Variants in ADAMTSL1 observed in about 807,000 individuals in gnomAD.
The protein encoded by ADAMTSL1 is ADAMTS like 1.
A neutral mutation model predicts 201.8 loss-of-function variants in ADAMTSL1; 126 were observed. The ratio of observed to expected loss-of-function variants is 0.62; its 90% CI spans 0.54 to 0.72. The LOEUF is 0.72. ADAMTSL1 is among the 30% of genes least tolerant of loss of function. ADAMTSL1 has a pLI of 0.00. For missense variants in ADAMTSL1, 2,679 were observed against 2,277.8 expected (o/e 1.18, Z -3.59); for synonymous variants, 1,121 against 903.4 (o/e 1.24, Z -4.32).
chr9:18,524,118 C>G (rs576054427), intron 2 of ADAMTSL1, among the ~76,000 whole-genome samples: 2 of 150,398 alleles, frequency 1.3e-5, no homozygotes, highest in Non-Finnish European at 3.0e-5. Flanking sequence ...TTTATTTCCT[C>G]GAGCAGTGGT....
At chr9:17,965,685 T>C (rs1236732869) in intron 1 of ADAMTSL1, among the ~76,000 whole-genome samples, 1 of 152,164 alleles carries the variant, frequency 6.6e-6, no homozygotes, top group Non-Finnish European at 1.5e-5. Flanking sequence ...GAGATTATTT[T>C]CAGACTTTCA....
chr9:17,953,198 A>G (rs941722795), intron 1 of ADAMTSL1, among the ~76,000 whole-genome samples: 1 of 152,124 alleles, frequency 6.6e-6, no homozygotes, highest in Admixed American at 6.6e-5. Context: ...TGTCACAAGG[A>G]CATTTGTTCA....
At chr9:17,984,897 T>G (rs1210561575) in intron 1 of ADAMTSL1, among the ~76,000 whole-genome samples, 1 of 152,174 alleles carries the variant, frequency 6.6e-6, no homozygotes, top group Non-Finnish European at 1.5e-5. Flanking sequence ...TAATTTTAAA[T>G]GTTACTTAAA....
intron 2 of ADAMTSL1, among the ~76,000 whole-genome samples, chr9:18,510,082 A>T (rs1301985348): frequency 6.6e-6 from 1 of 152,220 alleles, no homozygotes; most frequent in Non-Finnish European, 1.5e-5. Context: ...TCTACCAGGT[A>T]AATTAACCTG....
chr9:18,375,814 CCGAT>C (rs1277455951), intron 2 of ADAMTSL1, among the ~76,000 whole-genome samples: 1 of 152,200 alleles, frequency 6.6e-6, no homozygotes, highest in African/African-American at 2.4e-5. Flanking sequence ...CCATGTCCTG[CCGAT>C]TGGCCCATTT....
At chr9:18,633,530 AG>A (rs1390774511) in intron 5 of ADAMTSL1, among the ~76,000 whole-genome samples, 6 of 152,032 alleles carry the variant, frequency 3.9e-5, no homozygotes, top group African/African-American at 1.4e-4. Context: ...CGGAGGTTGC[AG>A]TGAGTCAAGA....
In ADAMTSL1 at chr9:18,053,624, TTAA is replaced by T. The variant is rs896404979; in HGVS notation, c.88-110234_88-110232del. 1.0e-3 allele frequency among the ~76,000 whole-genome samples: 159 copies of T among 152,326 alleles called. 2 individuals carry two copies. Among genetic ancestry groups the T allele is most frequent in the African/African-American group, 3.8e-3 (156 of 41,578 alleles). On this transcript the variant is annotated intron_variant, in intron 1 of 29. Transcript: ENST00000680146. Reference sequence around the variant, plus strand: ...AATGTTGCTTGCCCAAGTCTTTCTGTTAATAAACAAAACAAAGCAGAAATCTCG... The same window carrying T: ...AATGTTGCTTGCCCAAGTCTTTCTGTTAAACAAAACAAAGCAGAAATCTCG...
chr9:18,453,076 A>T (rs534176873), intron 2 of ADAMTSL1, among the ~76,000 whole-genome samples: 1 of 152,320 alleles, frequency 6.6e-6, no homozygotes, highest in South Asian at 2.1e-4. Flanking sequence ...TAGATGGAGG[A>T]AGCCATGCCC....
rs199758410 is a variant in ADAMTSL1, at chr9:18,291,255, CA to C, written c.207+127275del. ...AAGAACTAAAATGAAGCTTGATACC[CA>C]TTGGTAGCAATTACTGGAAAATTAA... is the stretch of plus-strand genomic sequence containing the variant. On this transcript the variant is annotated intron_variant, in intron 2 of 29. Transcript: ENST00000680146. Among the ~76,000 whole-genome samples the C allele has an allele frequency of 5.6e-3, 859 of 152,258 alleles. 4 individuals are homozygous for C. The highest frequency in any genetic ancestry group is 0.024 in the Middle Eastern group (7 of 292).
intron 4 of ADAMTSL1, among the ~76,000 whole-genome samples, chr9:18,589,412 G>A (rs1823764473): frequency 6.6e-6 from 1 of 152,012 alleles, no homozygotes; most frequent in African/African-American, 2.4e-5. Flanking sequence ...ATGGATTTTT[G>A]TATGTTGATT....
chr9:17,954,868 C>A (rs866218247), intron 1 of ADAMTSL1, among the ~76,000 whole-genome samples: 26 of 152,088 alleles, frequency 1.7e-4, no homozygotes, highest in African/African-American at 5.6e-4. Context: ...CTACTTCTTC[C>A]AGTTCAGCTA....
chr9:18,304,185 C>T (rs138159432), intron 2 of ADAMTSL1, among the ~76,000 whole-genome samples: 25 of 151,736 alleles, frequency 1.6e-4, no homozygotes, highest in African/African-American at 5.8e-4. Flanking sequence ...TGTTCAAACT[C>T]ATTCTCACAT....
intron 1 of ADAMTSL1, among the ~76,000 whole-genome samples, chr9:17,920,502 T>C (rs1002637702): frequency 2.6e-4 from 39 of 152,216 alleles, no homozygotes; most frequent in Non-Finnish European, 1.3e-4. Flanking sequence ...TTGCATGACA[T>C]AGACTCCTAG....
intron 2 of ADAMTSL1, among the ~76,000 whole-genome samples, chr9:18,328,824 G>T (rs1203168062): frequency 1.3e-5 from 2 of 152,168 alleles, no homozygotes; most frequent in African/African-American, 4.8e-5. Flanking sequence ...TGACCCTGGA[G>T]GATACAGAGT....
chr9:18,770,613 G>T lies in ADAMTSL1; in HGVS notation c.2229G>T (p.Thr743=), dbSNP rs375944574. 3 of 1,611,812 alleles carry T rather than the reference G, an allele frequency of 1.9e-6. No individual in the cohort carries two copies. The highest frequency in any genetic ancestry group is 1.1e-5 in the South Asian group (1 of 90,590). The part of the protein sequence containing the change: ...YPAQWQPCSR[T]CGGGVQKREV... ...CTTTCTTTCCCCAGTGTTCCAGAAC[G>T]TGTGGCGGGGGTGTTCAGAAACGTG... The change falls in exon 17 of 29, where the codon ACG becomes ACT. Residue 743 remains threonine (T), a synonymous_variant. Coordinates refer to ENST00000380548, the MANE Select transcript of ADAMTSL1 (RefSeq NM_001040272.6).
chr9:18,415,819 A>G lies in ADAMTSL1; in HGVS notation c.208-89010A>G, dbSNP rs528084517. On this transcript the variant is annotated intron_variant, in intron 2 of 29. Coordinates refer to the ADAMTSL1 transcript ENST00000680146. ...TGCAGCCAGAGGAAAATGACATTTTATATAGAGAAGCAAAGTTAAATATGA... is the reference window on the plus strand; with the variant it reads ...TGCAGCCAGAGGAAAATGACATTTTGTATAGAGAAGCAAAGTTAAATATGA... 2.2e-3 allele frequency among the ~76,000 whole-genome samples: 334 copies of G among 152,234 alleles called. 3 individuals are homozygous for G. The highest frequency in any genetic ancestry group is 7.8e-3 in the African/African-American group (325 of 41,576).
intron 7 of ADAMTSL1, among the ~76,000 whole-genome samples, chr9:18,655,806 TAAAAAAAAAAAAAAA>T (rs56662538): frequency 9.8e-5 from 8 of 81,860 alleles, no homozygotes; most frequent in Admixed American, 1.3e-4. Context: ...TTTGTGAGCT[TAAAAAAAAAAAAAAA>T]AAAAAAAAAA....
At chr9:18,399,358 G>A (rs1166657313) in intron 2 of ADAMTSL1, among the ~76,000 whole-genome samples, 2 of 108,324 alleles carry the variant, frequency 1.8e-5, no homozygotes, top group African/African-American at 7.0e-5. Context: ...TTTCTTTTTT[G>A]AGACAAAGTC....
chr9:18,726,209 A>C (rs928838888), intron 15 of ADAMTSL1, among the ~76,000 whole-genome samples: 1 of 152,216 alleles, frequency 6.6e-6, no homozygotes, highest in Non-Finnish European at 1.5e-5. Flanking sequence ...AAGTCTTAAT[A>C]CTTAAGCTTC....
Sources: gnomAD v4.1 joint callset for allele counts (sites outside exome capture counted in the v4.1 genomes callset) on GRCh38, gnomAD v4.1.1 for gene constraint, MANE v1.5 for transcripts, NCBI Gene and HGNC (gene_info 2026-07-23, HGNC 2026-07-21) for gene names.